ABR: variants seen among roughly 807,000 people sequenced by gnomAD.
The protein encoded by ABR is ABR activator of RhoGEF and GTPase, also known as active breakpoint cluster region-related protein.
Under a neutral mutation model 107.2 loss-of-function variants are expected in ABR, and 35 were observed. That is an observed-to-expected ratio of 0.33 (90% CI 0.25 to 0.43). ABR has a LOEUF of 0.43. ABR is among the 20% of genes least tolerant of loss of function. The probability of loss-of-function intolerance (pLI) is 1.00; values close to 1 mark genes in which losing one functional copy is unlikely to be tolerated. For synonymous variants in ABR, 498 were observed against 462.0 expected (o/e 1.08, Z -1.00); for missense variants, 815 against 1,115.2 (o/e 0.73, Z 3.83).
chr17:1,106,190 G>GC (rs397796738), intron 2 of ABR, among the ~76,000 whole-genome samples: 67,380 of 151,896 alleles, frequency 0.44, 15,133 homozygotes, highest in East Asian at 0.6. Flanking sequence ...CTTTACCTCT[G>GC]CCCCCCAGGA....
chr17:1,107,209 T>G (rs1004063591), intron 2 of ABR, among the ~76,000 whole-genome samples: 3 of 152,180 alleles, frequency 2.0e-5, no homozygotes, highest in Non-Finnish European at 4.4e-5. Context: ...GAGCAGCGTT[T>G]TCAGGTGTGA....
chr17:1,152,282 CAAA>C (rs782238294), intron 1 of ABR, among the ~76,000 whole-genome samples: 81,140 of 126,388 alleles, frequency 0.64, 24,371 homozygotes, highest in Middle Eastern at 0.74. Flanking sequence ...GACTCTGTCT[CAAA>C]AAAAAAAAAA....
At chr17:1,106,808 G>C (rs1047580237) in intron 2 of ABR, among the ~76,000 whole-genome samples, 5 of 152,162 alleles carry the variant, frequency 3.3e-5, no homozygotes, top group Non-Finnish European at 7.3e-5. Flanking sequence ...GGGAATACAG[G>C]CGTGTGCCAC....
At chr17:1,108,956 G>T in intron 2 of ABR, 1 of 1,596,132 alleles carries the variant, frequency 6.3e-7, no homozygotes, top group Non-Finnish European at 8.5e-7. Flanking sequence ...CAGGAAGGGG[G>T]ACCCTGAGCC....
intron 2 of ABR, among the ~76,000 whole-genome samples, chr17:1,108,149 G>T (rs1035553891): frequency 6.6e-6 from 1 of 152,264 alleles, no homozygotes; most frequent in Non-Finnish European, 1.5e-5. Flanking sequence ...CCAGAGAGCA[G>T]CTGAGCAAAA....
intron 1 of ABR, 108 bp from the exon 2 acceptor site, chr17:1,125,475 G>A (rs1206359615): frequency 8.9e-6 from 12 of 1,347,528 alleles, no homozygotes; most frequent in Admixed American, 1.7e-5. Flanking sequence ...GGCCCCGGCC[G>A]CACCATCCAC....
intron 4 of ABR, among the ~76,000 whole-genome samples, chr17:1,088,892 A>ATT (rs56669324): frequency 0.21 from 21,174 of 102,420 alleles, 2,836 homozygotes; most frequent in Non-Finnish European, 0.26. Context: ...GTGCCCAGCC[A>ATT]TTTTTTTTTT....
chr17:1,021,942 C>G (rs1180257774), intron 16 of ABR, among the ~76,000 whole-genome samples: 7 of 151,338 alleles, frequency 4.6e-5, no homozygotes. Flanking sequence ...GCGGATCACT[C>G]GAGCTCAGGA....
At chr17:1,203,379 G>C (rs1459855650) in intron 1 of ABR, among the ~76,000 whole-genome samples, 1 of 94,248 alleles carries the variant, frequency 1.1e-5, no homozygotes, top group African/African-American at 4.3e-5. Context: ...TGGGGGCGGG[G>C]CCTTGAGGGG....
intron 1 of ABR, among the ~76,000 whole-genome samples, chr17:1,228,554 G>T (rs1299891732): frequency 1.3e-5 from 2 of 152,134 alleles, no homozygotes. Flanking sequence ...CGCCGGCCCT[G>T]CCGCCGCCGC....
rs1440101585 is a variant in ABR, at chr17:1,091,656, CAG to C, written c.531+7_531+8del. 1 of 1,610,342 alleles carries C rather than the reference CAG, an allele frequency of 6.2e-7. No homozygotes were observed. The highest frequency in any genetic ancestry group is 1.7e-5 in the Admixed American group (1 of 59,828). ...CTGCGTGAGGACCCTCCATCCCTGG[CAG>C]ACTCACCAGCTTCTGGAAGAGGTGG... On this transcript the variant is annotated splice_region_variant and intron_variant, in intron 4 of 22. Coordinates refer to ENST00000302538, the MANE Select transcript of ABR (RefSeq NM_021962.5).
intron 3 of ABR, among the ~76,000 whole-genome samples, chr17:1,096,736 G>A (rs370131365): frequency 6.2e-4 from 92 of 148,524 alleles, no homozygotes; most frequent in African/African-American, 2.1e-3. Context: ...ACCTGCCCCG[G>A]GAGGAGAGAG....
Position 1,051,919 on chromosome 17 carries a change from CAA to C in ABR, c.1562-1287_1562-1286del, listed in dbSNP as rs1216540712. 1.3e-5 allele frequency among the ~76,000 whole-genome samples: 2 copies of C among 152,054 alleles called. No individual in the cohort carries two copies. The highest frequency in any genetic ancestry group is 2.9e-5 in the Non-Finnish European group (2 of 68,006). On this transcript the variant is annotated intron_variant, in intron 14 of 22. Coordinates refer to ENST00000302538, the MANE Select transcript of ABR (RefSeq NM_021962.5). This position sits in a 1 kb window ranked among gnomAD's most constrained non-coding sequence, Gnocchi z 4.3. ...TGAAACCCCATCTCTACTAAAAATA[CAA>C]AAGTGAGCCCGGCGTGGTGGCACAT...
At chr17:1,185,654 TAAAAAAAAAAAA>T (rs775804045) in intron 1 of ABR, among the ~76,000 whole-genome samples, 27 of 39,350 alleles carry the variant, frequency 6.9e-4, no homozygotes, top group Non-Finnish European at 1.0e-3. Flanking sequence ...CAGAAAGAAA[TAAAAAAAAAAAA>T]AAAAAAAAAA....
chr17:1,017,614 C>T (rs1366595437), intron 16 of ABR, among the ~76,000 whole-genome samples: 3 of 151,402 alleles, frequency 2.0e-5, no homozygotes, highest in South Asian at 2.1e-4. Flanking sequence ...ACTACAGGTG[C>T]GCACCATCAC....
At chr17:1,055,776 C>G in intron 14 of ABR, 1 of 430,472 alleles carries the variant, frequency 2.3e-6, no homozygotes, top group Non-Finnish European at 4.3e-6. Flanking sequence ...ATCCGCCCGC[C>G]TGGGCCTCCC....
chr17:1,185,608 G>A (rs1156635960), intron 1 of ABR, among the ~76,000 whole-genome samples: 12 of 141,864 alleles, frequency 8.5e-5, no homozygotes, highest in Non-Finnish European at 1.5e-5. Context: ...TCGTGCCACT[G>A]CACTCCAGCC....
intron 16 of ABR, among the ~76,000 whole-genome samples, chr17:1,036,436 G>A (rs763171358): frequency 1.0e-4 from 15 of 148,834 alleles, no homozygotes; most frequent in Non-Finnish European, 1.2e-4. Flanking sequence ...GGCATCAGAG[G>A]ACCAGAGCTG....
chr17:1,191,354 C>T (rs1373923371), upstream of ABR, among the ~76,000 whole-genome samples: 15 of 96,480 alleles, frequency 1.6e-4, no homozygotes, highest in Non-Finnish European at 2.0e-4. Context: ...TTTTTCTTTT[C>T]TTTTTTTTTT....
Sources: gnomAD v4.1 joint callset for allele counts (sites outside exome capture counted in the v4.1 genomes callset) on GRCh38, gnomAD v4.1.1 for gene constraint, Gnocchi (gnomAD v3.1) non-coding constraint, MANE v1.5 for transcripts, NCBI Gene and HGNC (gene_info 2026-07-23, HGNC 2026-07-21) for gene names.